The following KRABD3 variants were observed in gnomAD, a reference collection of about 807,000 sequenced individuals.
KRABD3 encodes KRAB domain containing 3.
chr7:149,728,682 G>A, the KRABD3 span: 1 of 1,612,834 alleles, frequency 6.2e-7, no homozygotes, highest in Non-Finnish European at 8.5e-7. Context: ...GAAGGTAATA[G>A]TGGCTGCCGG....
At chr7:149,728,676 G>A in the KRABD3 span, 1 of 1,613,132 alleles carries the variant, frequency 6.2e-7, no homozygotes, top group South Asian at 1.1e-5. Flanking sequence ...GACAAGGAAG[G>A]TAATAGTGGC....
chr7:149,733,475 C>T, the KRABD3 span: 14 of 1,579,116 alleles, frequency 8.9e-6, no homozygotes, highest in African/African-American at 5.4e-5. Context: ...GCTGGGGAGG[C>T]GCCCCCAAGG....
chr7:149,731,361 G>A, the KRABD3 span, among the ~76,000 whole-genome samples: 2 of 152,194 alleles, frequency 1.3e-5, no homozygotes, highest in African/African-American at 4.8e-5. Context: ...TGGACCACAG[G>A]ATGCCCCAGC....
At chr7:149,730,676 G>T in the KRABD3 span, 58 of 1,354,780 alleles carry the variant, frequency 4.3e-5, 1 homozygote, top group East Asian at 6.0e-4. Context: ...TCTTGCCAGG[G>T]AGTCCTGCAC....
chr7:149,729,916 T>C, the KRABD3 span: 4 of 1,268,330 alleles, frequency 3.2e-6, no homozygotes, highest in Non-Finnish European at 4.0e-6. Flanking sequence ...ACTGGAGACT[T>C]CCAGAAAGTT....
chr7:149,723,994 T>C, the KRABD3 span: 3 of 1,277,178 alleles, frequency 2.3e-6, no homozygotes, highest in Non-Finnish European at 3.3e-6. Flanking sequence ...GGCCCCCATA[T>C]TGGCCTGTCG....
the KRABD3 span, chr7:149,719,612 G>A: frequency 1.2e-6 from 2 of 1,607,972 alleles, no homozygotes; most frequent in Admixed American, 1.7e-5. The surrounding 1 kb of genome is among the most constrained non-coding windows in gnomAD (Gnocchi z 5.6). Flanking sequence ...CCTGGAGGAG[G>A]GGCAGAGGGA....
chr7:149,723,804 G>A, the KRABD3 span: 3 of 1,613,998 alleles, frequency 1.9e-6, no homozygotes, highest in East Asian at 4.5e-5. Flanking sequence ...AGCTCCCCGA[G>A]GCCCAGGACA....
At chr7:149,729,971 G>A in the KRABD3 span, 13 of 1,299,142 alleles carry the variant, frequency 1.0e-5, no homozygotes, top group Middle Eastern at 2.9e-4. Context: ...GCCAGGCTCT[G>A]GCTTCACTTT....
chr7:149,733,430 C>A, the KRABD3 span: 3 of 1,593,778 alleles, frequency 1.9e-6, no homozygotes, highest in East Asian at 6.9e-5. Context: ...AGGCCTGGCT[C>A]AGGAAGTGGC....
chr7:149,731,197 G>T, the KRABD3 span, among the ~76,000 whole-genome samples: 1 of 152,226 alleles, frequency 6.6e-6, no homozygotes. Flanking sequence ...GGAGAAGGAG[G>T]AAGAGGCCAG....
the KRABD3 span, chr7:149,715,016 G>A: frequency 1.5e-5 from 18 of 1,227,416 alleles, no homozygotes; most frequent in African/African-American, 2.5e-4. Flanking sequence ...CAGGGCCCGC[G>A]CCGGAAACCG....
At chr7:149,731,752 G>C in the KRABD3 span, 1 of 1,611,546 alleles carries the variant, frequency 6.2e-7, no homozygotes, top group East Asian at 2.2e-5. Context: ...CCTGGAGCTT[G>C]GACATGGAAG....
chr7:149,721,313 A>G, the KRABD3 span: 2 of 1,511,238 alleles, frequency 1.3e-6, no homozygotes, highest in East Asian at 4.5e-5. Flanking sequence ...GAAAGGACCC[A>G]GAATGTGACA....
At chr7:149,726,893 G>C in the KRABD3 span, among the ~76,000 whole-genome samples, 2 of 152,198 alleles carry the variant, frequency 1.3e-5, no homozygotes, top group African/African-American at 4.8e-5. Flanking sequence ...GGGTGACAGA[G>C]TGAGACCCCC....
chr7:149,714,996 G>A, the KRABD3 span: 1 of 1,214,104 alleles, frequency 8.2e-7, no homozygotes, highest in Non-Finnish European at 1.0e-6. Flanking sequence ...AGGGTCGCGT[G>A]CGCCCGCGCC....
At chr7:149,729,427 A>G in the KRABD3 span, 2 of 1,321,838 alleles carry the variant, frequency 1.5e-6, no homozygotes, top group South Asian at 4.6e-5. Context: ...AGTGTTTGAC[A>G]AGGAAATAGA....
chr7:149,720,844 C>T, the KRABD3 span: 5 of 1,590,042 alleles, frequency 3.1e-6, no homozygotes, highest in Non-Finnish European at 4.3e-6. Flanking sequence ...GGGGGACAGC[C>T]CCGGCACAGC....
the KRABD3 span, among the ~76,000 whole-genome samples, chr7:149,724,192 C>G: frequency 6.6e-6 from 1 of 152,186 alleles, no homozygotes; most frequent in Non-Finnish European, 1.5e-5. Flanking sequence ...ACACACGCAG[C>G]TCCTCATTGT....
Sources: gnomAD v4.1 joint callset for allele counts (sites outside exome capture counted in the v4.1 genomes callset) on GRCh38, gnomAD v4.1.1 for gene constraint, Gnocchi (gnomAD v3.1) non-coding constraint, MANE v1.5 for transcripts, NCBI Gene and HGNC (gene_info 2026-07-23, HGNC 2026-07-21) for gene names.